Variants in SND1 observed in about 807,000 individuals in gnomAD.
The protein encoded by SND1 is staphylococcal nuclease and tudor domain containing 1, also known as staphylococcal nuclease domain-containing protein 1.
In SND1, 38 loss-of-function variants were observed where a neutral mutation model predicts 121.7. The observed-to-expected ratio is 0.31, with a 90% confidence interval of 0.24 to 0.41. SND1 has a LOEUF of 0.41. SND1 is among the 10% of genes least tolerant of loss of function. The pLI is 1.00. For missense variants in SND1, 868 were observed against 1,184.6 expected, an observed-to-expected ratio of 0.73 and a Z score of 3.92; for synonymous variants, 401 against 447.4, an observed-to-expected ratio of 0.90 and a Z score of 1.31.
intron 15 of SND1, among the ~76,000 whole-genome samples, chr7:127,972,218 T>A (rs1802008403): frequency 6.6e-6 from 1 of 152,136 alleles, no homozygotes; most frequent in South Asian, 2.1e-4. Flanking sequence ...TCATCATAGA[T>A]TAGTTTTGTC....
At chr7:127,917,117 C>T (rs1350564178) in intron 14 of SND1, among the ~76,000 whole-genome samples, 1 of 152,178 alleles carries the variant, frequency 6.6e-6, no homozygotes, top group East Asian at 1.9e-4. Context: ...CTCTGTGGTA[C>T]ATCATTTTCC....
At chr7:127,737,025 A>G (rs1309279409) in intron 10 of SND1, among the ~76,000 whole-genome samples, 1 of 152,104 alleles carries the variant, frequency 6.6e-6, no homozygotes, top group Non-Finnish European at 1.5e-5. Context: ...ATTGCCCCCT[A>G]TTGTGATAAA....
intron 15 of SND1, among the ~76,000 whole-genome samples, chr7:127,942,976 C>T (rs1218058756): frequency 1.3e-5 from 2 of 152,160 alleles, no homozygotes; most frequent in Non-Finnish European, 2.9e-5. Flanking sequence ...GAGCCTCTTA[C>T]GTGGATCCAT....
intron 15 of SND1, among the ~76,000 whole-genome samples, chr7:127,939,966 A>G (rs898453229): frequency 6.6e-6 from 1 of 152,220 alleles, no homozygotes; most frequent in African/African-American, 2.4e-5. Context: ...GGGAGAAAAC[A>G]TCCTGGATAG....
chr7:127,900,524 C>T (rs577770792), intron 13 of SND1, among the ~76,000 whole-genome samples: 2 of 152,276 alleles, frequency 1.3e-5, no homozygotes, highest in South Asian at 4.1e-4. Context: ...GATGATCTCC[C>T]TGCAAAAATG....
At chr7:127,655,945 A>G (rs1795203320) in intron 1 of SND1, among the ~76,000 whole-genome samples, 2 of 152,084 alleles carry the variant, frequency 1.3e-5, no homozygotes, top group African/African-American at 2.4e-5. Context: ...ATCTTATCCT[A>G]CTTATGGTGT....
intron 16 of SND1, chr7:128,030,559 C>T: frequency 1.2e-6 from 2 of 1,612,392 alleles, no homozygotes; most frequent in South Asian, 1.1e-5. Flanking sequence ...AGAATCCACA[C>T]TTGCGCCGTG....
chr7:127,893,289 G>C (rs1332874512), intron 13 of SND1, among the ~76,000 whole-genome samples: 1 of 152,088 alleles, frequency 6.6e-6, no homozygotes, highest in Non-Finnish European at 1.5e-5. Flanking sequence ...TATGGACACT[G>C]AATACAAGTT....
intron 11 of SND1, among the ~76,000 whole-genome samples, chr7:127,831,649 C>T (rs1176088659): frequency 6.6e-6 from 1 of 152,194 alleles, no homozygotes; most frequent in Non-Finnish European, 1.5e-5. Flanking sequence ...TGAGCAGTGA[C>T]CGTGGCCTCA....
At chr7:127,831,222 C>T (rs1286745260) in intron 11 of SND1, among the ~76,000 whole-genome samples, 1 of 152,202 alleles carries the variant, frequency 6.6e-6, no homozygotes, top group Non-Finnish European at 1.5e-5. Flanking sequence ...CACAGCCCTT[C>T]ACATATTACC....
At chr7:127,892,276 C>G (rs1800022642) in intron 13 of SND1, among the ~76,000 whole-genome samples, 1 of 152,092 alleles carries the variant, frequency 6.6e-6, no homozygotes, top group Non-Finnish European at 1.5e-5. Flanking sequence ...CAACCTTTCT[C>G]ATATCATTTC....
intron 14 of SND1, among the ~76,000 whole-genome samples, chr7:127,906,017 A>G (rs2116768044): frequency 6.6e-6 from 1 of 152,242 alleles, no homozygotes; most frequent in African/African-American, 2.4e-5. Flanking sequence ...CTTGCTACAA[A>G]TGTGTCTGGC....
intron 14 of SND1, among the ~76,000 whole-genome samples, chr7:127,921,443 G>C (rs1355261163): frequency 1.3e-5 from 2 of 152,116 alleles, no homozygotes; most frequent in African/African-American, 4.8e-5. Context: ...TGAATGGGTG[G>C]TTAATTTTGA....
At chr7:127,892,629 A>G (rs1307333411) in intron 13 of SND1, among the ~76,000 whole-genome samples, 2 of 152,038 alleles carry the variant, frequency 1.3e-5, no homozygotes, top group East Asian at 1.9e-4. Flanking sequence ...TCTGTTGTCT[A>G]TCATCAGCTG....
intron 10 of SND1, among the ~76,000 whole-genome samples, chr7:127,789,509 C>G (rs1311946505): frequency 6.6e-6 from 1 of 152,130 alleles, no homozygotes; most frequent in African/African-American, 2.4e-5. Flanking sequence ...AGAGACTATC[C>G]TACATAATGG....
intron 10 of SND1, among the ~76,000 whole-genome samples, chr7:127,792,349 A>G (rs1202515154): frequency 4.6e-5 from 7 of 152,180 alleles, no homozygotes; most frequent in Admixed American, 4.6e-4. Flanking sequence ...GACTGCTGCT[A>G]TCTGATGGTC....
chr7:128,025,216 C>T (rs935113277), intron 16 of SND1, among the ~76,000 whole-genome samples: 2 of 152,172 alleles, frequency 1.3e-5, no homozygotes, highest in African/African-American at 2.4e-5. Context: ...AGAACACAGA[C>T]GTATCTTAGG....
intron 1 of SND1, among the ~76,000 whole-genome samples, chr7:127,652,815 A>T (rs1451879193): frequency 6.6e-6 from 1 of 152,148 alleles, no homozygotes; most frequent in Non-Finnish European, 1.5e-5. Flanking sequence ...AGTAGTTAGT[A>T]GTTTTTCGAG....
intron 12 of SND1, among the ~76,000 whole-genome samples, chr7:127,862,939 T>C (rs1210748608): frequency 1.3e-5 from 2 of 152,256 alleles, no homozygotes; most frequent in Admixed American, 6.5e-5. Flanking sequence ...TCCTAAAAGA[T>C]GCTTTCTTTG....
Sources: gnomAD v4.1 joint callset for allele counts (sites outside exome capture counted in the v4.1 genomes callset) on GRCh38, gnomAD v4.1.1 for gene constraint, MANE v1.5 for transcripts, NCBI Gene and HGNC (gene_info 2026-07-23, HGNC 2026-07-21) for gene names.